The following ARPC1A variants were observed in gnomAD, a reference collection of about 807,000 sequenced individuals.
ARPC1A encodes the protein actin related protein 2/3 complex subunit 1A.
A neutral mutation model predicts 46.9 loss-of-function variants in ARPC1A; 8 were observed. The observed-to-expected ratio is 0.17, with a 90% CI of 0.10 to 0.31. The LOEUF (loss-of-function observed/expected upper bound fraction) is 0.31, where lower values mean the gene tolerates loss of function less well. Among genes scored for constraint, ARPC1A ranks in the 10% least tolerant of loss-of-function variants. The pLI, the probability that ARPC1A is intolerant of heterozygous loss-of-function variation, is 1.00. For synonymous variants in ARPC1A, 152 were observed against 169.0 expected, an observed-to-expected ratio of 0.90 and a Z score of 0.78; for missense variants, 286 against 483.6, an observed-to-expected ratio of 0.59 and a Z score of 3.83.
At chr7:99,354,232 C>T (rs994318712) in intron 6 of ARPC1A, 111 bp downstream of exon 6, 9 of 1,279,482 alleles carry the variant, frequency 7.0e-6, no homozygotes, top group Admixed American at 5.2e-5. Flanking sequence ...AACATAAAAA[C>T]CTTAATCAGG....
At chr7:99,344,619 TG>T in intron 4 of ARPC1A, 104 bp downstream of exon 4, 2 of 1,213,710 alleles carry the variant, frequency 1.6e-6, no homozygotes, top group Non-Finnish European at 2.3e-6. Flanking sequence ...CGGAGTTGTG[TG>T]GTTTTTTCTC....
intron 1 of ARPC1A, among the ~76,000 whole-genome samples, chr7:99,331,255 C>G (rs1390962192): frequency 6.6e-6 from 1 of 152,012 alleles, no homozygotes; most frequent in South Asian, 2.1e-4. Context: ...ATTACCTGGG[C>G]TTGGTGGTGC....
intron 3 of ARPC1A, among the ~76,000 whole-genome samples, chr7:99,340,265 C>T (rs1793335815): frequency 6.6e-6 from 1 of 152,086 alleles, no homozygotes; most frequent in Non-Finnish European, 1.5e-5. Flanking sequence ...CAGGTTCAAG[C>T]AATTCTCCCG....
intron 3 of ARPC1A, among the ~76,000 whole-genome samples, chr7:99,343,138 C>G (rs1793383494): frequency 6.6e-6 from 1 of 151,978 alleles, no homozygotes; most frequent in Non-Finnish European, 1.5e-5. Context: ...AGTAATATTT[C>G]TGTACTTTTT....
intron 8 of ARPC1A, among the ~76,000 whole-genome samples, chr7:99,361,659 T>G (rs1330085551): frequency 6.6e-6 from 1 of 152,178 alleles, no homozygotes; most frequent in African/African-American, 2.4e-5. Flanking sequence ...GAAAAAGCTC[T>G]CATTGCCTCT....
intron 2 of ARPC1A, among the ~76,000 whole-genome samples, chr7:99,335,048 G>A (rs1793218273): frequency 6.6e-6 from 1 of 152,166 alleles, no homozygotes; most frequent in Non-Finnish European, 1.5e-5. Context: ...GGTTTCACCT[G>A]TTAGCCAGGA....
intron 2 of ARPC1A, among the ~76,000 whole-genome samples, chr7:99,337,229 C>T (rs1266674480): frequency 1.3e-5 from 2 of 152,094 alleles, no homozygotes; most frequent in African/African-American, 4.8e-5. Flanking sequence ...TGAAACCAGC[C>T]TGACCAACAT....
At chr7:99,348,159 A>G (rs1562800044) in intron 4 of ARPC1A, among the ~76,000 whole-genome samples, 1 of 152,236 alleles carries the variant, frequency 6.6e-6, no homozygotes, top group Non-Finnish European at 1.5e-5. Flanking sequence ...AAGCTGTCTT[A>G]CAACCCCAAA....
At chr7:99,362,340 T>TCCC (rs1562803995) in intron 8 of ARPC1A, among the ~76,000 whole-genome samples, 9 of 143,348 alleles carry the variant, frequency 6.3e-5, no homozygotes, top group African/African-American at 5.1e-5. Context: ...GCCCCCCTTT[T>TCCC]TTTTTTTTTT....
intron 1 of ARPC1A, among the ~76,000 whole-genome samples, chr7:99,326,843 C>T (rs971882303): frequency 6.6e-6 from 1 of 152,218 alleles, no homozygotes; most frequent in Non-Finnish European, 1.5e-5. Flanking sequence ...CAAACACCAA[C>T]CCTCCAGACT....
chr7:99,332,791 C>A (rs112934747), intron 1 of ARPC1A, among the ~76,000 whole-genome samples: 2 of 144,004 alleles, frequency 1.4e-5, no homozygotes, highest in African/African-American at 5.0e-5. Flanking sequence ...TTAGTAGAGA[C>A]GGGGTTTCAC....
At chr7:99,329,778 C>G (rs543662864) in intron 1 of ARPC1A, among the ~76,000 whole-genome samples, 5 of 152,288 alleles carry the variant, frequency 3.3e-5, no homozygotes, top group Admixed American at 2.6e-4. Context: ...CATGAGAAAG[C>G]CTTTTGTCTG....
intron 4 of ARPC1A, among the ~76,000 whole-genome samples, chr7:99,348,427 C>T (rs1793496481): frequency 6.6e-6 from 1 of 152,186 alleles, no homozygotes; most frequent in African/African-American, 2.4e-5. Context: ...ACCTTGTCAG[C>T]TGGGCGTAGT....
chr7:99,358,423 T>C lies in ARPC1A; in HGVS notation c.789+8T>C, dbSNP rs771682245. ...AACAGCGTCGTGGCTGCTGTGAGTA[T>C]TTTTCTTCATTCTCCCTCGGGGTGC... On this transcript the variant is annotated splice_region_variant and intron_variant, in intron 7 of 9. Coordinates refer to ENST00000262942, the MANE Select transcript of ARPC1A (RefSeq NM_006409.4). The C allele has an allele frequency of 4.3e-6, 7 of 1,612,754 alleles. No homozygotes were observed. The highest frequency in any genetic ancestry group is 5.1e-6 in the Non-Finnish European group (6 of 1,178,862).
chr7:99,336,285 G>C (rs891158869), intron 2 of ARPC1A, among the ~76,000 whole-genome samples: 9 of 151,996 alleles, frequency 5.9e-5, no homozygotes, highest in Admixed American at 5.9e-4. Flanking sequence ...CTATATACAT[G>C]TGAGAAAGTG....
intron 9 of ARPC1A, among the ~76,000 whole-genome samples, chr7:99,365,574 A>ACT (rs1427391858): frequency 6.6e-6 from 1 of 151,538 alleles, no homozygotes; most frequent in Non-Finnish European, 1.5e-5. Context: ...TGGTCACACC[A>ACT]CTGCACTCCA....
intron 9 of ARPC1A, 64 bp downstream of exon 9, chr7:99,363,697 A>C: frequency 8.6e-7 from 1 of 1,162,146 alleles, no homozygotes; most frequent in Admixed American, 2.5e-5. Flanking sequence ...TTTTTAAGAG[A>C]TAGGCTCCTT....
At chr7:99,343,298 T>C (rs1378224612) in intron 3 of ARPC1A, among the ~76,000 whole-genome samples, 1 of 151,884 alleles carries the variant, frequency 6.6e-6, no homozygotes, top group Non-Finnish European at 1.5e-5. Context: ...AAACCCCGTC[T>C]CTACTAAAAA....
intron 2 of ARPC1A, among the ~76,000 whole-genome samples, chr7:99,337,499 A>C (rs180678885): frequency 9.5e-4 from 145 of 152,304 alleles, no homozygotes; most frequent in South Asian, 2.9e-3. Context: ...TTTGAGTGTC[A>C]TGTTGATACT....
Sources: gnomAD v4.1 joint callset for allele counts (sites outside exome capture counted in the v4.1 genomes callset) on GRCh38, gnomAD v4.1.1 for gene constraint, MANE v1.5 for transcripts, NCBI Gene and HGNC (gene_info 2026-07-23, HGNC 2026-07-21) for gene names.